Variants in ZFP90 observed in about 807,000 individuals in gnomAD.
ZFP90 encodes the protein ZFP90 zinc finger protein, also known as zinc finger protein 90 homolog.
A neutral mutation model predicts 60.8 loss-of-function variants in ZFP90; 38 were observed. That is an observed-to-expected ratio of 0.62 (90% confidence interval 0.48 to 0.82). ZFP90 has a LOEUF of 0.82. Among genes scored for constraint, ZFP90 ranks in the 40% least tolerant of loss-of-function variants. ZFP90 has a pLI of 0.00. For synonymous variants in ZFP90, 287 were observed against 264.8 expected, an observed-to-expected ratio of 1.08 and a Z score of -0.82; for missense variants, 711 against 759.1, an observed-to-expected ratio of 0.94 and a Z score of 0.74.
downstream of ZFP90, among the ~76,000 whole-genome samples, chr16:68,569,534 T>TAACC (rs2091556145): frequency 6.6e-6 from 1 of 152,212 alleles, no homozygotes; most frequent in Non-Finnish European, 1.5e-5. Flanking sequence ...CTTCTCTCTT[T>TAACC]AACCTCTGCA....
chr16:68,540,958 G>C (rs569774696), intron 2 of ZFP90, among the ~76,000 whole-genome samples: 21 of 145,212 alleles, frequency 1.4e-4, no homozygotes, highest in African/African-American at 5.5e-4. Context: ...ACCCAGTCTG[G>C]AGTACAGTGA....
upstream of ZFP90, among the ~76,000 whole-genome samples, chr16:68,534,924 A>G (rs1055656496): frequency 6.6e-5 from 10 of 152,162 alleles, no homozygotes; most frequent in Non-Finnish European, 1.2e-4. Context: ...ATAAATAAAA[A>G]TAAAATAAAT....
chr16:68,565,100 G>T lies in ZFP90; in HGVS notation c.*402G>T. The stretch of plus-strand genomic sequence containing the variant: ...TGCTTGACAACTGCACTCAACTGCA[G>T]CTCTTACATTAACTTCACCATGGAA... On this transcript the variant is annotated 3_prime_UTR_variant, in exon 5 of 5. Coordinates refer to ENST00000563169, the MANE Select transcript of ZFP90 (RefSeq NM_001305203.2). The T allele has an allele frequency of 1.0e-6, 1 of 994,804 alleles. No individual in the cohort carries two copies. Among genetic ancestry groups the T allele is most frequent in the Non-Finnish European group, 1.2e-6 (1 of 836,120 alleles). The allele number at this position is 994,804 out of a possible 1,614,324, so 61.6% of individuals were successfully genotyped here.
chr16:68,553,803 G>C (rs767332365), intron 2 of ZFP90, among the ~76,000 whole-genome samples: 1 of 152,070 alleles, frequency 6.6e-6, no homozygotes, highest in Non-Finnish European at 1.5e-5. Context: ...AAATTTGTTT[G>C]TGTTAGAGAT....
At chr16:68,552,583 G>A (rs933402218) in intron 2 of ZFP90, among the ~76,000 whole-genome samples, 3 of 152,122 alleles carry the variant, frequency 2.0e-5, no homozygotes, top group Admixed American at 6.5e-5. Context: ...AACGCTTGCC[G>A]AGGTGAAAGA....
At position 68,564,171 on chromosome 16, in the gene ZFP90, A is replaced by C. The variant is rs1290832579; in HGVS notation, c.1384A>C (p.Ile462Leu). The C allele has an allele frequency of 6.2e-7, 1 of 1,614,194 alleles. No individual in the cohort carries two copies. Among genetic ancestry groups the C allele is most frequent in the Non-Finnish European group, 8.5e-7 (1 of 1,180,022 alleles). ...CNDCGEDFSH[I>L]TDFTDHQRIH... ...TGACTGTGGGGAAGACTTTAGTCACATTACAGACTTTACTGACCATCAGAG... is the reference window on the plus strand; with the variant it reads ...TGACTGTGGGGAAGACTTTAGTCACCTTACAGACTTTACTGACCATCAGAG... The change falls in exon 5 of 5, where the codon ATT becomes CTT. Residue 462 changes from isoleucine to leucine, a missense_variant. Physicochemically the swap from Ile to Leu is conservative, Grantham distance 5. Around this residue, in one of 5 missense-constraint regions of ZFP90, gnomAD observed 295 missense variants for 274.0 expected, o/e 1.08. Coordinates refer to ENST00000563169, the MANE Select transcript of ZFP90 (RefSeq NM_001305203.2).
Position 68,575,107 on chromosome 16 carries a change from T to C in ZFP90, c.224-684T>C, listed in dbSNP as rs139587226. On this transcript the variant is annotated intron_variant, in intron 2 of 2. Transcript: ENST00000573113. Reference sequence around the variant, plus strand: ...AACTTAGGACAACTGACACAGGATTTTTCTCACTTTGCCTATAGGGGCCTC... The same window carrying C: ...AACTTAGGACAACTGACACAGGATTCTTCTCACTTTGCCTATAGGGGCCTC... 1.8e-3 allele frequency among the ~76,000 whole-genome samples: 275 copies of C among 152,260 alleles called. 2 individuals are homozygous for C. Among genetic ancestry groups the C allele is most frequent in the Middle Eastern group, 0.01 (3 of 294 alleles).
At chr16:68,548,473 C>A (rs1001581836) in intron 2 of ZFP90, among the ~76,000 whole-genome samples, 1 of 83,744 alleles carries the variant, frequency 1.2e-5, no homozygotes, top group African/African-American at 4.8e-5. Context: ...TGTTTATCCT[C>A]CTTTTTTTTT....
At chr16:68,557,221 C>T (rs2091358472) in intron 2 of ZFP90, 1 of 455,698 alleles carries the variant, frequency 2.2e-6, no homozygotes, top group Non-Finnish European at 4.4e-6. Flanking sequence ...CTCTTGGGCT[C>T]CTGTAACAAA....
intron 4 of ZFP90, among the ~76,000 whole-genome samples, chr16:68,559,867 C>T (rs1373090905): frequency 6.6e-6 from 1 of 151,964 alleles, no homozygotes; most frequent in Non-Finnish European, 1.5e-5. Context: ...GTGACCACAC[C>T]AGCCTAATTT....
At chr16:68,570,390 A>G (rs924726158), downstream of ZFP90, among the ~76,000 whole-genome samples, 1 of 152,232 alleles carries the variant, frequency 6.6e-6, no homozygotes, top group Non-Finnish European at 1.5e-5. Context: ...TGTGAAGCAC[A>G]TCCAACTCCT....
In ZFP90 at chr16:68,563,400, C is replaced by G; in HGVS notation, c.613C>G (p.Leu205Val). Residue 205 changes from leucine to valine, a missense_variant, in exon 5 of 5, where the codon CTT (leucine) becomes GTT (valine). Coordinates refer to ENST00000563169, the MANE Select transcript of ZFP90 (RefSeq NM_001305203.2). ...AGACTTACTTAATGAGAATAATATT[C>G]TTGCAAAAAAGAAACCCTATAAGTG... ...NADLLNENNI[L>V]AKKKPYKCDK... 3.7e-6 allele frequency: 6 copies of G among 1,611,536 alleles called. No individual in the cohort carries two copies. Among genetic ancestry groups the G allele is most frequent in the Non-Finnish European group, 5.1e-6 (6 of 1,179,452 alleles).
At chr16:68,538,575 G>A (rs111589970), upstream of ZFP90, among the ~76,000 whole-genome samples, 28 of 151,998 alleles carry the variant, frequency 1.8e-4, no homozygotes, top group African/African-American at 6.5e-4. Flanking sequence ...GTGACGCATC[G>A]CATGCCTGTA....
downstream of ZFP90, among the ~76,000 whole-genome samples, chr16:68,571,159 A>G (rs1222669209): frequency 6.6e-6 from 1 of 152,242 alleles, no homozygotes; most frequent in Non-Finnish European, 1.5e-5. Context: ...CGGGTATCAC[A>G]GCCTATGATT....
rs775055041 is a variant in ZFP90, at chr16:68,566,539, A to G, written c.*1841A>G. The G allele has an allele frequency of 3.3e-5, 33 of 985,420 alleles. 3 individuals carry two copies. In the South Asian group the frequency reaches 1.2e-3, roughly 35 times the overall value. 61.0% of individuals were successfully genotyped at this position (985,420 alleles called of 1,614,324 possible). On this transcript the variant is annotated 3_prime_UTR_variant, in exon 5 of 5. Transcript: ENST00000563169. ...TTGTGCATGGGGGCTGAAATGTAAT[A>G]TGTGTAGCTCAATTAGTCTCTCCTC... is the stretch of plus-strand genomic sequence containing the variant.
intron 2 of ZFP90, among the ~76,000 whole-genome samples, chr16:68,549,067 C>T (rs1173316246): frequency 2.6e-5 from 4 of 152,174 alleles, no homozygotes; most frequent in African/African-American, 9.6e-5. Flanking sequence ...AATGCTTGCT[C>T]TATGCCAGGC....
Position 68,564,974 on chromosome 16 carries a change from G to A in ZFP90, c.*276G>A. ...TTTGCTTTTGAATATATGTATGCAG[G>A]ATATCATCAAGTTTCAACATCTTGA... On this transcript the variant is annotated 3_prime_UTR_variant, in exon 5 of 5. Transcript: ENST00000563169. 1 of 1,130,756 alleles carries A rather than the reference G, an allele frequency of 8.8e-7. No homozygotes were observed. The highest frequency in any genetic ancestry group is 1.1e-6 in the Non-Finnish European group (1 of 923,818). 70.0% of individuals were successfully genotyped at this position (1,130,756 alleles called of 1,614,324 possible).
At position 68,566,512 on chromosome 16, in the gene ZFP90, A is replaced by T; in HGVS notation, c.*1814A>T. 1.0e-6 allele frequency: 1 copy of T among 985,482 alleles called. No homozygotes were observed. Among genetic ancestry groups the T allele is most frequent in the African/African-American group, 1.7e-5 (1 of 57,324 alleles). The allele number at this position is 985,482 out of a possible 1,614,324, so 61.0% of individuals were successfully genotyped here. ...TATTCTTCATTCTTTGCAGGGAAAAAATTGTGCATGGGGGCTGAAATGTAA... is the reference window on the plus strand; with the variant it reads ...TATTCTTCATTCTTTGCAGGGAAAATATTGTGCATGGGGGCTGAAATGTAA... On this transcript the variant is annotated 3_prime_UTR_variant, in exon 5 of 5. Transcript: ENST00000563169.
At chr16:68,550,291 A>T (rs969560789) in intron 2 of ZFP90, among the ~76,000 whole-genome samples, 15 of 151,940 alleles carry the variant, frequency 9.9e-5, no homozygotes, top group African/African-American at 3.1e-4. Context: ...ACAGAGTCTC[A>T]CTCTGTCGCC....
Sources: gnomAD v4.1 joint callset for allele counts (sites outside exome capture counted in the v4.1 genomes callset) on GRCh38, gnomAD v4.1.1 for gene constraint, gnomAD v4.1.1 regional missense constraint, MANE v1.5 for transcripts, NCBI Gene and HGNC (gene_info 2026-07-23, HGNC 2026-07-21) for gene names.